The following SLC25A26 variants were observed in gnomAD, a reference collection of about 807,000 sequenced individuals.
SLC25A26 encodes solute carrier family 25 member 26.
In SLC25A26, 36 loss-of-function variants were observed where a neutral mutation model predicts 37.8. The ratio of observed to expected loss-of-function variants is 0.95; its 90% confidence interval spans 0.73 to 1.26. The LOEUF is 1.26. Ranked by LOEUF, SLC25A26 falls within the 50% of genes most tolerant of loss-of-function variation. The probability of loss-of-function intolerance (pLI) is 0.00; values close to 1 mark genes in which losing one functional copy is unlikely to be tolerated. For missense variants in SLC25A26, 390 were observed against 331.1 expected (o/e 1.18, Z -1.38); for synonymous variants, 129 against 122.5 (o/e 1.05, Z -0.35).
intron 6 of SLC25A26, among the ~76,000 whole-genome samples, chr3:66,352,217 A>G: frequency 6.6e-6 from 1 of 152,186 alleles, no homozygotes; most frequent in East Asian, 1.9e-4. Flanking sequence ...TAAAAAAATA[A>G]GAAAAAGAAA....
Position 66,313,109 on chromosome 3 carries a change from G to T in SLC25A26, c.454-33255G>T, listed in dbSNP as rs182830973. Among the ~76,000 whole-genome samples, 236 of 152,226 alleles carry T rather than the reference G, an allele frequency of 1.6e-3. 1 individual carries two copies. The highest frequency in any genetic ancestry group is 5.3e-3 in the African/African-American group (220 of 41,546). On this transcript the variant is annotated intron_variant, in intron 5 of 9. Coordinates refer to ENST00000354883, the MANE Select transcript of SLC25A26 (RefSeq NM_001379210.1). Reference sequence around the variant, plus strand: ...TGCTCTGATGATAGTTTCTTTTGCTGTGCAGAAGCTCTTTAGTTTAATTAG... The same window carrying T: ...TGCTCTGATGATAGTTTCTTTTGCTTTGCAGAAGCTCTTTAGTTTAATTAG...
chr3:66,378,209 A>G lies in SLC25A26; in HGVS notation c.*402A>G, dbSNP rs1301498997. 6.7e-6 allele frequency: 1 copy of G among 149,572 alleles called. No individual in the cohort carries two copies. The allele number at this position is 149,572 out of a possible 1,614,324, so 9.3% of individuals were successfully genotyped here. ...AATAGCTTGTTTGTTTGTTTGGGAA[A>G]AGGAGACTTGGGGAAGAGTTGTGTA... On this transcript the variant is annotated 3_prime_UTR_variant, in exon 10 of 10. Transcript: ENST00000354883.
At chr3:66,134,475 C>T (rs1303706228) in intron 1 of SLC25A26, among the ~76,000 whole-genome samples, 1 of 152,144 alleles carries the variant, frequency 6.6e-6, no homozygotes, top group Non-Finnish European at 1.5e-5. Flanking sequence ...AATCTGGGGC[C>T]AGTGGGAAAA....
At chr3:66,155,696 G>C (rs1247781902) in intron 1 of SLC25A26, among the ~76,000 whole-genome samples, 1 of 152,294 alleles carries the variant, frequency 6.6e-6, no homozygotes, top group East Asian at 1.9e-4. Flanking sequence ...AGTATGTCTG[G>C]AAGAGTACAG....
chr3:66,324,847 G>A (rs1452382356), intron 5 of SLC25A26, among the ~76,000 whole-genome samples: 3 of 151,504 alleles, frequency 2.0e-5, no homozygotes, highest in African/African-American at 4.8e-5. Flanking sequence ...TTTGGGAGAA[G>A]GAAAAAATCT....
chr3:66,216,460 G>A (rs1405201477), upstream of SLC25A26, among the ~76,000 whole-genome samples: 2 of 152,074 alleles, frequency 1.3e-5, no homozygotes, highest in African/African-American at 2.4e-5. Flanking sequence ...GCAGTGAGTC[G>A]AGATGGCACC....
At chr3:66,137,776 G>T (rs2069969157) in intron 1 of SLC25A26, among the ~76,000 whole-genome samples, 2 of 152,124 alleles carry the variant, frequency 1.3e-5, no homozygotes, top group African/African-American at 4.8e-5. Context: ...CTCCATAAGA[G>T]CTTGTTTTCT....
At chr3:66,298,596 G>C (rs2074978474) in intron 5 of SLC25A26, among the ~76,000 whole-genome samples, 1 of 152,064 alleles carries the variant, frequency 6.6e-6, no homozygotes, top group Admixed American at 6.5e-5. Flanking sequence ...GCATTTAAGG[G>C]GCACAGCAGC....
At chr3:66,151,634 C>T (rs1225068934) in intron 1 of SLC25A26, among the ~76,000 whole-genome samples, 1 of 152,188 alleles carries the variant, frequency 6.6e-6, no homozygotes, top group East Asian at 1.9e-4. Context: ...CTGCTCCTTT[C>T]TCCATGGAGG....
intron 1 of SLC25A26, among the ~76,000 whole-genome samples, chr3:66,176,600 C>T (rs966716470): frequency 1.1e-4 from 16 of 152,122 alleles, no homozygotes; most frequent in Admixed American, 2.6e-4. Flanking sequence ...GGGGAAAAAA[C>T]GGTAGCCAGA....
intron 5 of SLC25A26, among the ~76,000 whole-genome samples, chr3:66,330,084 A>G (rs2075935811): frequency 6.6e-6 from 1 of 152,126 alleles, no homozygotes; most frequent in Non-Finnish European, 1.5e-5. Context: ...CTCATTTTTC[A>G]GTACACTCTT....
upstream of SLC25A26, chr3:66,220,881 GCTCCA>G: frequency 3.3e-6 from 2 of 604,040 alleles, no homozygotes; most frequent in South Asian, 3.8e-5. Flanking sequence ...CCGAGACTTA[GCTCCA>G]CCACACTCCC....
chr3:66,168,193 A>ATGTGTGTGTG (rs2070451931), intron 1 of SLC25A26, among the ~76,000 whole-genome samples: 3 of 72,920 alleles, frequency 4.1e-5, no homozygotes, highest in African/African-American at 9.7e-5. Context: ...GTGTATATAT[A>ATGTGTGTGTG]TATATATACA....
At chr3:66,219,099 T>C (rs1397990859), upstream of SLC25A26, among the ~76,000 whole-genome samples, 3 of 152,230 alleles carry the variant, frequency 2.0e-5, no homozygotes, top group Admixed American at 6.5e-5. Context: ...GCTACTGTAA[T>C]TCCTAAACTG....
At chr3:66,296,900 T>C (rs888742313) in intron 5 of SLC25A26, among the ~76,000 whole-genome samples, 2 of 152,218 alleles carry the variant, frequency 1.3e-5, no homozygotes, top group African/African-American at 4.8e-5. Flanking sequence ...CCACACTCCC[T>C]GAACAGAAGG....
chr3:66,229,908 A>G (rs1449416780), intron 1 of SLC25A26, among the ~76,000 whole-genome samples: 1 of 152,214 alleles, frequency 6.6e-6, no homozygotes, highest in Non-Finnish European at 1.5e-5. Context: ...TTAGGAGGTA[A>G]TATTAAGCAG....
intron 1 of SLC25A26, among the ~76,000 whole-genome samples, chr3:66,234,747 T>G (rs2072193991): frequency 6.6e-6 from 1 of 152,222 alleles, no homozygotes; most frequent in Non-Finnish European, 1.5e-5. Flanking sequence ...GCATTGCACA[T>G]TTTGTAAACT....
intron 3 of SLC25A26, among the ~76,000 whole-genome samples, chr3:66,260,880 A>G (rs938807318): frequency 1.3e-5 from 2 of 152,216 alleles, no homozygotes; most frequent in African/African-American, 4.8e-5. Flanking sequence ...AATATTTCCT[A>G]TTTGGTCTTT....
intron 6 of SLC25A26, among the ~76,000 whole-genome samples, chr3:66,352,854 C>T (rs546343896): frequency 5.9e-5 from 9 of 152,268 alleles, no homozygotes; most frequent in African/African-American, 1.4e-4. Context: ...CTCAGAGAGA[C>T]GTTCCCGGTC....
Sources: gnomAD v4.1 joint callset for allele counts (sites outside exome capture counted in the v4.1 genomes callset) on GRCh38, gnomAD v4.1.1 for gene constraint, MANE v1.5 for transcripts, NCBI Gene and HGNC (gene_info 2026-07-23, HGNC 2026-07-21) for gene names.